The following BCAR3 variants were observed in gnomAD, a reference collection of about 807,000 sequenced individuals.
BCAR3 encodes the protein BCAR3 adaptor protein, NSP family member.
In BCAR3, 37 loss-of-function variants were observed where a neutral mutation model predicts 80.1. The ratio of observed to expected loss-of-function variants is 0.46; its 90% CI spans 0.36 to 0.61. The LOEUF is 0.61. Ranked by LOEUF, BCAR3 falls within the 20% of genes least tolerant of loss-of-function variation. The pLI is 0.00. For missense variants in BCAR3, 978 were observed against 1,068.2 expected, an observed-to-expected ratio of 0.92 and a Z score of 1.18; for synonymous variants, 389 against 418.9, an observed-to-expected ratio of 0.93 and a Z score of 0.87.
chr1:93,707,047 C>T lies in BCAR3; in HGVS notation c.-62-905G>A, dbSNP rs181659256. Among the ~76,000 whole-genome samples the T allele has an allele frequency of 4.8e-4, 73 of 151,684 alleles. 2 individuals carry two copies. The East Asian group carries it at 9.9e-3, about 21-fold the overall frequency. Reference sequence around the variant, plus strand: ...AAAATTAACCAGGTGTGGTGGCGGGCGCCTGTAATCCCAGCTTCTCGGGAG... The same window carrying T: ...AAAATTAACCAGGTGTGGTGGCGGGTGCCTGTAATCCCAGCTTCTCGGGAG... On this transcript the variant is annotated intron_variant, in intron 2 of 13. Transcript: ENST00000370244.
chr1:93,634,667 C>G (rs1026117971), intron 3 of BCAR3, among the ~76,000 whole-genome samples: 1 of 151,736 alleles, frequency 6.6e-6, no homozygotes, highest in Non-Finnish European at 1.5e-5. Context: ...TGCACTCCAG[C>G]CAGGGCAACA....
At chr1:93,650,795 A>G (rs1676298329) in intron 2 of BCAR3, among the ~76,000 whole-genome samples, 1 of 152,156 alleles carries the variant, frequency 6.6e-6, no homozygotes, top group Non-Finnish European at 1.5e-5. Context: ...AACAGGAATA[A>G]AATTTGAACT....
At chr1:93,837,247 A>C (rs769757009) in intron 2 of BCAR3, among the ~76,000 whole-genome samples, 5 of 152,164 alleles carry the variant, frequency 3.3e-5, no homozygotes, top group African/African-American at 4.8e-5. Flanking sequence ...TAAAAAAATA[A>C]ATAAATTACC....
At chr1:93,822,440 T>C (rs11165009) in intron 2 of BCAR3, among the ~76,000 whole-genome samples, 1 of 151,616 alleles carries the variant, frequency 6.6e-6, no homozygotes, top group South Asian at 2.1e-4. Flanking sequence ...CCCAGGTTCA[T>C]GCGATTCTCT....
At chr1:93,587,713 C>A (rs1399967010) in intron 5 of BCAR3, among the ~76,000 whole-genome samples, 4 of 144,730 alleles carry the variant, frequency 2.8e-5, no homozygotes, top group South Asian at 2.1e-4. Flanking sequence ...AAAAAAAAAA[C>A]CAGTGAGTAG....
At chr1:93,846,152 A>G (rs1346291742) in intron 1 of BCAR3, among the ~76,000 whole-genome samples, 2 of 150,592 alleles carry the variant, frequency 1.3e-5, no homozygotes, top group African/African-American at 5.0e-5. Context: ...GGGGTTAAGT[A>G]AGACTGTAAA....
chr1:93,589,919 G>A (rs190159893), intron 4 of BCAR3, among the ~76,000 whole-genome samples: 63 of 152,304 alleles, frequency 4.1e-4, no homozygotes, highest in African/African-American at 1.5e-3. Flanking sequence ...ATGAGAAAAT[G>A]TGTGCCTGGC....
intron 2 of BCAR3, among the ~76,000 whole-genome samples, chr1:93,730,810 C>G (rs768074605): frequency 3.3e-5 from 5 of 152,226 alleles, no homozygotes; most frequent in African/African-American, 1.2e-4. Flanking sequence ...TGGAGCTTAC[C>G]TCCTTCCCCC....
chr1:93,662,826 T>A (rs1336039073), intron 2 of BCAR3, among the ~76,000 whole-genome samples: 1 of 152,220 alleles, frequency 6.6e-6, no homozygotes. Context: ...GTCTTGATAA[T>A]CCACTTTATA....
chr1:93,817,537 A>G (rs6692717), intron 2 of BCAR3, among the ~76,000 whole-genome samples: 47,958 of 152,168 alleles, frequency 0.32, 10,928 homozygotes, highest in African/African-American at 0.65. Flanking sequence ...CCTTTCATAC[A>G]GTTCAGAAGT....
chr1:93,715,465 C>A (rs1057487774), intron 2 of BCAR3, among the ~76,000 whole-genome samples: 1 of 152,188 alleles, frequency 6.6e-6, no homozygotes, highest in Non-Finnish European at 1.5e-5. Flanking sequence ...ATCAACTCAG[C>A]TGCCCAAGAT....
At chr1:93,746,489 T>A (rs1055623053) in intron 2 of BCAR3, among the ~76,000 whole-genome samples, 9 of 152,164 alleles carry the variant, frequency 5.9e-5, no homozygotes, top group Non-Finnish European at 8.8e-5. Context: ...AACACTAATA[T>A]CTTTTGTAGA....
At chr1:93,719,349 T>TG (rs1317007247) in intron 2 of BCAR3, among the ~76,000 whole-genome samples, 2 of 137,668 alleles carry the variant, frequency 1.5e-5, no homozygotes, top group African/African-American at 5.5e-5. Context: ...TTTTTTTTTT[T>TG]TTTTTTTTTT....
intron 5 of BCAR3, among the ~76,000 whole-genome samples, chr1:93,587,683 C>T (rs976663169): frequency 1.1e-4 from 17 of 149,310 alleles, no homozygotes; most frequent in African/African-American, 2.6e-5. Flanking sequence ...TATGACATTT[C>T]CTCATGGACC....
intron 2 of BCAR3, among the ~76,000 whole-genome samples, chr1:93,789,753 T>C (rs1653077722): frequency 6.6e-6 from 1 of 152,206 alleles, no homozygotes; most frequent in Admixed American, 6.5e-5. Context: ...TTTTTCCTTC[T>C]GGAATGCCAA....
At chr1:93,772,396 T>C (rs1652389078) in intron 2 of BCAR3, among the ~76,000 whole-genome samples, 1 of 152,166 alleles carries the variant, frequency 6.6e-6, no homozygotes, top group Non-Finnish European at 1.5e-5. Context: ...TGGTGAGCTA[T>C]ACCAGCAGCC....
chr1:93,637,283 C>T (rs962024264), intron 3 of BCAR3, among the ~76,000 whole-genome samples: 3 of 152,016 alleles, frequency 2.0e-5, no homozygotes, highest in African/African-American at 4.8e-5. Flanking sequence ...GATTCTCCTG[C>T]TCCAGCCTCC....
At chr1:93,828,028 G>A (rs1375602037) in intron 2 of BCAR3, among the ~76,000 whole-genome samples, 1 of 152,176 alleles carries the variant, frequency 6.6e-6, no homozygotes, top group Non-Finnish European at 1.5e-5. Flanking sequence ...TGCTTTGGGA[G>A]GCAGAGAGCA....
intron 3 of BCAR3, among the ~76,000 whole-genome samples, chr1:93,699,126 CA>C (rs1649540768): frequency 6.6e-6 from 1 of 152,188 alleles, no homozygotes; most frequent in Non-Finnish European, 1.5e-5. Context: ...TCATTATCTC[CA>C]TTTTACAGAT....
Sources: gnomAD v4.1 joint callset for allele counts (sites outside exome capture counted in the v4.1 genomes callset) on GRCh38, gnomAD v4.1.1 for gene constraint, MANE v1.5 for transcripts, NCBI Gene and HGNC (gene_info 2026-07-23, HGNC 2026-07-21) for gene names.